CEP170: variants seen among roughly 807,000 people sequenced by gnomAD.
The protein encoded by CEP170 is centrosomal protein 170.
A neutral mutation model predicts 151.9 loss-of-function variants in CEP170; 21 were observed. That is an observed-to-expected ratio of 0.14 (90% CI 0.10 to 0.20). The LOEUF (loss-of-function observed/expected upper bound fraction) is 0.20. Among genes scored for constraint, CEP170 ranks in the 10% least tolerant of loss-of-function variants. The pLI is 1.00. For synonymous variants in CEP170, 356 were observed against 648.8 expected, an observed-to-expected ratio of 0.55 and a Z score of 6.86; for missense variants, 964 against 1,892.9, an observed-to-expected ratio of 0.51 and a Z score of 9.11.
chr1:243,137,711 G>A (rs982043503), intron 16 of CEP170, among the ~76,000 whole-genome samples: 2 of 151,724 alleles, frequency 1.3e-5, no homozygotes, highest in African/African-American at 4.8e-5. Context: ...GGAGGCAGAG[G>A]TTGCAGTGGG....
At position 243,133,833 on chromosome 1, in the gene CEP170, ATTAC is replaced by A. The variant is rs1260516858; in HGVS notation, c.4319+2306_4319+2309del. On this transcript the variant is annotated intron_variant, in intron 17 of 19. Coordinates refer to ENST00000366542, the MANE Select transcript of CEP170 (RefSeq NM_014812.3). ...CACGTAAGACAATAACAGGGTGCTA[ATTAC>A]TTAATCACTGAGTGTGAGTAAAAGA... Among the ~76,000 whole-genome samples, 4 of 152,220 alleles carry A rather than the reference ATTAC, an allele frequency of 2.6e-5. No individual in the cohort carries two copies. The East Asian group carries it at 7.7e-4, about 29-fold the overall frequency.
At position 243,191,097 on chromosome 1, in the gene CEP170, A is replaced by C. The variant is rs1408456959; in HGVS notation, c.1029T>G (p.Pro343=). ...CTTCTGTTCTTTCCCATAGCATTTGAGGAGGGTTGTTTTGTGCTAGCCAGT... is the reference window on the plus strand; with the variant it reads ...CTTCTGTTCTTTCCCATAGCATTTGCGGAGGGTTGTTTTGTGCTAGCCAGT... The part of the protein sequence containing the change: ...VADWLAQNNP[P]QMLWERTEED... The change falls in exon 8 of 20, where the codon CCT becomes CCG. Residue 343 remains proline (P), a synonymous_variant. Coordinates refer to ENST00000366542, the MANE Select transcript of CEP170 (RefSeq NM_014812.3). 3.1e-6 allele frequency: 5 copies of C among 1,613,042 alleles called. No individual in the cohort carries two copies. The highest frequency in any genetic ancestry group is 4.2e-6 in the Non-Finnish European group (5 of 1,179,420).
At chr1:243,142,747 T>C (rs2056000226) in intron 14 of CEP170, among the ~76,000 whole-genome samples, 1 of 152,182 alleles carries the variant, frequency 6.6e-6, no homozygotes, top group Non-Finnish European at 1.5e-5. Flanking sequence ...ATGACTAGCA[T>C]TAATACATCA....
chr1:243,135,448 C>T (rs560972368), intron 17 of CEP170, among the ~76,000 whole-genome samples: 19 of 152,234 alleles, frequency 1.2e-4, no homozygotes, highest in African/African-American at 4.1e-4. Flanking sequence ...CCTCATGATC[C>T]GCCTGCCTCG....
intron 14 of CEP170, 110 bp from the exon 15 acceptor site, chr1:243,142,573 G>A: frequency 2.2e-6 from 2 of 908,018 alleles, no homozygotes; most frequent in South Asian, 3.9e-5. Flanking sequence ...TTAAATATTT[G>A]TACCCCAAAT....
At chr1:243,221,055 T>C (rs2062757205) in intron 3 of CEP170, among the ~76,000 whole-genome samples, 1 of 152,154 alleles carries the variant, frequency 6.6e-6, no homozygotes, top group African/African-American at 2.4e-5. Context: ...CAGTCTTGCT[T>C]GTTCTGTCGC....
chr1:243,247,414 C>T (rs915105784), intron 1 of CEP170, among the ~76,000 whole-genome samples: 3 of 152,158 alleles, frequency 2.0e-5, no homozygotes, highest in South Asian at 2.1e-4. Context: ...AGTACAGTGA[C>T]GTGATCTTGG....
Position 243,126,411 on chromosome 1 carries a change from A to G in CEP170, c.*38T>C, listed in dbSNP as rs2053699067. The G allele has an allele frequency of 1.9e-6, 3 of 1,570,750 alleles. No homozygotes were observed. The highest frequency in any genetic ancestry group is 2.6e-6 in the Non-Finnish European group (3 of 1,154,654). On this transcript the variant is annotated 3_prime_UTR_variant, in exon 20 of 20. Coordinates refer to ENST00000366542, the MANE Select transcript of CEP170 (RefSeq NM_014812.3). ...TATGCTGCTTCCAATATTCCTAGCC[A>G]TTCCACAGGTAATGATTTTTCAACA...
intron 8 of CEP170, among the ~76,000 whole-genome samples, chr1:243,188,766 G>C (rs983631700): frequency 1.3e-5 from 2 of 152,126 alleles, no homozygotes; most frequent in Non-Finnish European, 2.9e-5. Flanking sequence ...TCAATTCTTT[G>C]ATCTAAACAG....
At chr1:243,228,347 T>C (rs2063467747) in intron 1 of CEP170, among the ~76,000 whole-genome samples, 1 of 152,220 alleles carries the variant, frequency 6.6e-6, no homozygotes, top group Non-Finnish European at 1.5e-5. Context: ...ATAGTTGATT[T>C]ATGTGGATTA....
In CEP170 at chr1:243,125,516, C is replaced by T. The variant is rs565384154; in HGVS notation, c.*933G>A. On this transcript the variant is annotated 3_prime_UTR_variant, in exon 20 of 20. Coordinates refer to ENST00000366542, the MANE Select transcript of CEP170 (RefSeq NM_014812.3). ...CATTTCAAGGGAATTTCTTTTTCAA[C>T]TGTCACATATAAACTTGGTAACACA... 2.0e-5 allele frequency: 3 copies of T among 152,746 alleles called. No homozygotes were observed. The East Asian group carries it at 5.8e-4, about 29-fold the overall frequency. 9.5% of individuals were successfully genotyped at this position (152,746 alleles called of 1,614,324 possible).
At chr1:243,240,186 T>C (rs1460072420) in intron 1 of CEP170, among the ~76,000 whole-genome samples, 1 of 152,168 alleles carries the variant, frequency 6.6e-6, no homozygotes, top group Non-Finnish European at 1.5e-5. Flanking sequence ...GGCACATGCC[T>C]GTAATCCCAG....
chr1:243,172,498 G>A (rs1441388000), intron 11 of CEP170, among the ~76,000 whole-genome samples, 199 bp downstream of exon 11: 2 of 152,112 alleles, frequency 1.3e-5, no homozygotes, highest in Non-Finnish European at 2.9e-5. Context: ...CGGGCATGGC[G>A]GTGCACGCCT....
chr1:243,149,191 G>T (rs893711102), intron 14 of CEP170, among the ~76,000 whole-genome samples: 2 of 152,196 alleles, frequency 1.3e-5, no homozygotes, highest in African/African-American at 4.8e-5. Flanking sequence ...CTAGACTGAT[G>T]AATATGCTTC....
At chr1:243,126,778 C>T (rs761692591) in intron 19 of CEP170, 40 bp from the exon 20 acceptor site, 18 of 1,537,308 alleles carry the variant, frequency 1.2e-5, no homozygotes, top group Non-Finnish European at 1.6e-5. Flanking sequence ...GATGCAGTTA[C>T]ATTCACATAT....
intron 8 of CEP170, among the ~76,000 whole-genome samples, chr1:243,186,968 A>C (rs532509123): frequency 2.0e-5 from 3 of 152,352 alleles, no homozygotes; most frequent in Non-Finnish European, 4.4e-5. Context: ...AAAAGATTCA[A>C]ATTTGTAGTC....
intron 9 of CEP170, 23 bp from the exon 10 acceptor site, chr1:243,186,095 T>C (rs1381767674): frequency 4.3e-6 from 7 of 1,613,562 alleles, no homozygotes; most frequent in Admixed American, 1.7e-5. Context: ...AGAAACCACT[T>C]TGGCATCTGC....
chr1:243,210,185 T>C (rs1347001510), intron 4 of CEP170, among the ~76,000 whole-genome samples: 3 of 152,184 alleles, frequency 2.0e-5, no homozygotes, highest in Non-Finnish European at 4.4e-5. Context: ...AAGAAAATAG[T>C]ATACTATTGT....
At position 243,125,763 on chromosome 1, in the gene CEP170, G is replaced by A. The variant is rs1327392791; in HGVS notation, c.*686C>T. On this transcript the variant is annotated 3_prime_UTR_variant, in exon 20 of 20. Coordinates refer to ENST00000366542, the MANE Select transcript of CEP170 (RefSeq NM_014812.3). ...TCAATCTCCTATGTACAAAAAAGAC[G>A]GTTAGTCCTTATTGATATATAGATA... The A allele has an allele frequency of 2.6e-5, 5 of 189,534 alleles. No individual in the cohort carries two copies. The highest frequency in any genetic ancestry group is 1.2e-4 in the African/African-American group (5 of 42,318). 11.7% of individuals were successfully genotyped at this position (189,534 alleles called of 1,614,324 possible).
Sources: gnomAD v4.1 joint callset for allele counts (sites outside exome capture counted in the v4.1 genomes callset) on GRCh38, gnomAD v4.1.1 for gene constraint, MANE v1.5 for transcripts, NCBI Gene and HGNC (gene_info 2026-07-23, HGNC 2026-07-21) for gene names.